ZNF385A: variants seen among roughly 807,000 people sequenced by gnomAD.
ZNF385A encodes zinc finger protein 385A.
ZNF385A carries 14 observed loss-of-function variants against 32.1 expected under a neutral mutation model. The observed-to-expected ratio is 0.44, with a 90% CI of 0.29 to 0.68. The LOEUF (loss-of-function observed/expected upper bound fraction) is 0.68. Ranked by LOEUF, ZNF385A falls within the 30% of genes least tolerant of loss-of-function variation. ZNF385A has a pLI of 0.14. For synonymous variants in ZNF385A, 197 were observed against 202.7 expected (o/e 0.97, Z 0.24); for missense variants, 406 against 478.4 (o/e 0.85, Z 1.41).
upstream of ZNF385A, among the ~76,000 whole-genome samples, chr12:54,386,290 G>C (rs1337536032): frequency 6.6e-6 from 1 of 152,056 alleles, no homozygotes; most frequent in Non-Finnish European, 1.5e-5. Context: ...ATCGGACAGT[G>C]ACACTGAGAG....
At position 54,370,869 on chromosome 12, in the gene ZNF385A, C is replaced by A; in HGVS notation, c.774+58G>T. 4 of 1,612,512 alleles carry A rather than the reference C, an allele frequency of 2.5e-6. No homozygotes were observed. The highest frequency in any genetic ancestry group is 3.4e-6 in the Non-Finnish European group (4 of 1,178,936). ...GGCCTTTACTCAAGCTCCTTGCTCC[C>A]CTTCCCCACTTAGCGGGTGGAGCGT... On this transcript the variant is annotated intron_variant, in intron 5 of 6. Coordinates refer to ENST00000394313, the MANE Select transcript of ZNF385A (RefSeq NM_015481.3). The surrounding 1 kb of genome is among the most constrained non-coding windows in gnomAD (Gnocchi z 5.5).
upstream of ZNF385A, chr12:54,385,876 A>C (rs897529217): frequency 1.3e-5 from 2 of 155,518 alleles, no homozygotes; most frequent in South Asian, 4.1e-4. Flanking sequence ...AGCAGGGATT[A>C]GGGGAATCTG....
chr12:54,382,963 A>C (rs1955274844), intron 1 of ZNF385A, among the ~76,000 whole-genome samples: 1 of 152,118 alleles, frequency 6.6e-6, no homozygotes, highest in African/African-American at 2.4e-5. Context: ...AGGGTTCCAG[A>C]CCAGCCTGGC....
chr12:54,391,199 A>C, intron 1 of ZNF385A: 1 of 1,470,320 alleles, frequency 6.8e-7, no homozygotes, highest in Non-Finnish European at 9.1e-7. Context: ...AGAGGAACCC[A>C]GGAGCCGGGA....
At chr12:54,387,716 C>T (rs1955531662), upstream of ZNF385A, among the ~76,000 whole-genome samples, 1 of 152,198 alleles carries the variant, frequency 6.6e-6, no homozygotes, top group South Asian at 2.1e-4. Flanking sequence ...AAGATGCTGG[C>T]ATGTCACAGT....
chr12:54,387,311 G>A (rs1955515402), upstream of ZNF385A, among the ~76,000 whole-genome samples: 1 of 152,144 alleles, frequency 6.6e-6, no homozygotes, highest in East Asian at 1.9e-4. Flanking sequence ...GGAGAGAGGG[G>A]TCAAATGAGG....
upstream of ZNF385A, among the ~76,000 whole-genome samples, chr12:54,389,710 TCA>T (rs1163281147): frequency 6.6e-6 from 1 of 151,912 alleles, no homozygotes; most frequent in Non-Finnish European, 1.5e-5. Context: ...GGTGCAGAGA[TCA>T]CACAGGTTGG....
intron 1 of ZNF385A, among the ~76,000 whole-genome samples, chr12:54,389,761 T>C (rs986174375): frequency 1.3e-5 from 2 of 151,954 alleles, no homozygotes; most frequent in Non-Finnish European, 2.9e-5. Flanking sequence ...CTGAGTGCAA[T>C]GTGTGCTGGT....
Position 54,384,636 on chromosome 12 carries a change from C to T in ZNF385A, c.-122G>A. 7.0e-7 allele frequency: 1 copy of T among 1,422,304 alleles called. No individual in the cohort carries two copies. Among genetic ancestry groups the T allele is most frequent in the Non-Finnish European group, 9.2e-7 (1 of 1,091,930 alleles). The allele number at this position is 1,422,304 out of a possible 1,614,324, so 88.1% of individuals were successfully genotyped here. Reference sequence around the variant, plus strand: ...GGGAACCCCACCCAAGCCTGCCAGTCCCACTCCCTAGCCAGGGCCCCCACA... The same window carrying T: ...GGGAACCCCACCCAAGCCTGCCAGTTCCACTCCCTAGCCAGGGCCCCCACA... On this transcript the variant is annotated 5_prime_UTR_variant, in exon 1 of 7. Coordinates refer to ENST00000394313, the MANE Select transcript of ZNF385A (RefSeq NM_015481.3).
intron 1 of ZNF385A, chr12:54,379,055 G>C: frequency 3.0e-6 from 3 of 984,296 alleles, no homozygotes; most frequent in Non-Finnish European, 3.6e-6. Context: ...AGGAGGGGCC[G>C]GGTGGCTTAC....
At chr12:54,390,593 G>A (rs1955609939) in intron 1 of ZNF385A, among the ~76,000 whole-genome samples, 1 of 152,018 alleles carries the variant, frequency 6.6e-6, no homozygotes, top group African/African-American at 2.4e-5. Flanking sequence ...GTGGAGACAG[G>A]CTCTGAGCCG....
chr12:54,379,460 G>A (rs1322729112), intron 1 of ZNF385A, among the ~76,000 whole-genome samples: 1 of 151,932 alleles, frequency 6.6e-6, no homozygotes, highest in Non-Finnish European at 1.5e-5. Flanking sequence ...GCTCCTTCTT[G>A]GGTCCAGGGT....
At chr12:54,374,240 G>T in intron 2 of ZNF385A, 105 bp from the exon 3 acceptor site, 2 of 1,118,350 alleles carry the variant, frequency 1.8e-6, no homozygotes, top group Non-Finnish European at 2.4e-6. Flanking sequence ...AGGCTGCAGT[G>T]AATTTTTCTG....
intron 1 of ZNF385A, chr12:54,391,229 A>G: frequency 6.9e-7 from 1 of 1,440,036 alleles, no homozygotes; most frequent in Non-Finnish European, 9.2e-7. Flanking sequence ...CGCAGAGACC[A>G]CTCACCGAGG....
At chr12:54,377,110 G>C (rs1270707628) in intron 1 of ZNF385A, among the ~76,000 whole-genome samples, 2 of 152,198 alleles carry the variant, frequency 1.3e-5, no homozygotes, top group Non-Finnish European at 2.9e-5. Context: ...AACAAGAAGT[G>C]GGGGAAAGTA....
At chr12:54,386,173 GAC>G (rs57780822), upstream of ZNF385A, among the ~76,000 whole-genome samples, 5,782 of 137,322 alleles carry the variant, frequency 0.042, 159 homozygotes, top group African/African-American at 0.072. Context: ...GTGGAGAGAG[GAC>G]ACACACACAC....
At chr12:54,379,238 G>C in intron 1 of ZNF385A, 1 of 981,144 alleles carries the variant, frequency 1.0e-6, no homozygotes, top group Non-Finnish European at 1.2e-6. Flanking sequence ...GCCCGGGCCG[G>C]AGCCCGCCCC....
intron 1 of ZNF385A, among the ~76,000 whole-genome samples, chr12:54,382,134 C>T (rs1391378810): frequency 6.6e-6 from 1 of 150,462 alleles, no homozygotes; most frequent in African/African-American, 2.5e-5. Context: ...GTGGCGCAAT[C>T]TCGGCTCACT....
intron 1 of ZNF385A, chr12:54,381,544 A>T (rs1316529996): frequency 6.6e-6 from 1 of 152,222 alleles, no homozygotes; most frequent in Non-Finnish European, 1.5e-5. Context: ...CCTCATCTAT[A>T]CAATGGGGAC....
Sources: gnomAD v4.1 joint callset for allele counts (sites outside exome capture counted in the v4.1 genomes callset) on GRCh38, gnomAD v4.1.1 for gene constraint, Gnocchi (gnomAD v3.1) non-coding constraint, MANE v1.5 for transcripts, NCBI Gene and HGNC (gene_info 2026-07-23, HGNC 2026-07-21) for gene names.